Variants in GSE1 observed in about 807,000 individuals in gnomAD.
GSE1 encodes genetic suppressor element 1.
In GSE1, 32 loss-of-function variants were observed where a neutral mutation model predicts 112.6. The observed-to-expected ratio is 0.28, with a 90% CI of 0.21 to 0.38. GSE1 has a LOEUF of 0.38. Among genes scored for constraint, GSE1 ranks in the 10% least tolerant of loss-of-function variants. The pLI is 1.00. For synonymous variants in GSE1, 1,115 were observed against 735.6 expected (o/e 1.52, Z -8.35); for missense variants, 2,348 against 1,699.2 (o/e 1.38, Z -6.71).
At chr16:85,367,432 C>T (rs752151114) in intron 2 of GSE1, among the ~76,000 whole-genome samples, 5 of 152,248 alleles carry the variant, frequency 3.3e-5, no homozygotes, top group African/African-American at 1.2e-4. Flanking sequence ...GACACAACCC[C>T]TGCCCCGAGA....
intron 1 of GSE1, among the ~76,000 whole-genome samples, chr16:85,624,343 G>T (rs2048929298): frequency 6.6e-6 from 1 of 152,222 alleles, no homozygotes; most frequent in Non-Finnish European, 1.5e-5. Flanking sequence ...GGTGCCATGG[G>T]CTACACAGGG....
upstream of GSE1, among the ~76,000 whole-genome samples, chr16:85,554,074 G>T (rs183885020): frequency 2.7e-3 from 412 of 152,184 alleles, 2 homozygotes; most frequent in African/African-American, 9.4e-3. Context: ...CCGGCTGGTT[G>T]TGCCACCGAG....
chr16:85,179,960 C>G (rs2074547938), intron 1 of GSE1, among the ~76,000 whole-genome samples: 1 of 152,218 alleles, frequency 6.6e-6, no homozygotes, highest in African/African-American at 2.4e-5. Context: ...TTAGCTGAGC[C>G]CTCAGCTCCT....
intron 1 of GSE1, among the ~76,000 whole-genome samples, chr16:85,579,433 G>A (rs1212737418): frequency 2.6e-5 from 4 of 152,194 alleles, no homozygotes; most frequent in East Asian, 1.9e-4. Context: ...GTAAATTTCC[G>A]CAGAGTAATT....
At chr16:85,471,620 C>T (rs1282038283) in intron 2 of GSE1, among the ~76,000 whole-genome samples, 2 of 152,112 alleles carry the variant, frequency 1.3e-5, no homozygotes, top group Admixed American at 6.5e-5. Context: ...CGCTATGTTG[C>T]CCAGACTGGT....
At position 85,654,315 on chromosome 16, in the gene GSE1, G is replaced by T. The variant is rs199907438; in HGVS notation, c.464G>T (p.Arg155Leu). 2.5e-6 allele frequency: 4 copies of T among 1,609,370 alleles called. No homozygotes were observed. In the Admixed American group the frequency reaches 6.7e-5, roughly 27 times the overall value. Residue 155 changes from arginine to leucine, a missense_variant, in exon 4 of 16, where the codon CGC (arginine) becomes CTC (leucine). Arg to Leu is a moderately radical substitution (Grantham distance 102, BLOSUM62 -2). Coordinates refer to ENST00000253458, the MANE Select transcript of GSE1 (RefSeq NM_014615.5). ...AGGAGCAGCAGTGGAGGTCGGGAACGCCTCATTGTGGAGCCCCCGCTCCCT... is the reference window on the plus strand; with the variant it reads ...AGGAGCAGCAGTGGAGGTCGGGAACTCCTCATTGTGGAGCCCCCGCTCCCT... ...GSRSSSGGRE[R>L]LIVEPPLPQE...
intron 1 of GSE1, among the ~76,000 whole-genome samples, chr16:85,352,322 T>C (rs1597463645): frequency 6.6e-6 from 1 of 152,316 alleles, no homozygotes; most frequent in Non-Finnish European, 1.5e-5. Context: ...CCTTTCATCC[T>C]TCCCCATTAA....
At chr16:85,607,216 G>C (rs528114443), upstream of GSE1, among the ~76,000 whole-genome samples, 1 of 152,296 alleles carries the variant, frequency 6.6e-6, no homozygotes, top group East Asian at 1.9e-4. Context: ...TGCCTCTCCA[G>C]AGGTGGGGGT....
At chr16:85,471,072 C>T (rs561366759) in intron 2 of GSE1, among the ~76,000 whole-genome samples, 8 of 152,188 alleles carry the variant, frequency 5.3e-5, no homozygotes, top group Non-Finnish European at 1.2e-4. Flanking sequence ...TCCATGGACG[C>T]CTCCGTGGCA....
chr16:85,284,609 C>T (rs761717629), intron 1 of GSE1, among the ~76,000 whole-genome samples: 9 of 152,146 alleles, frequency 5.9e-5, no homozygotes, highest in Non-Finnish European at 1.2e-4. Flanking sequence ...TTCGAGCCAG[C>T]GAGGGGGTGG....
At chr16:85,413,505 T>C (rs573661255) in intron 2 of GSE1, among the ~76,000 whole-genome samples, 3 of 151,094 alleles carry the variant, frequency 2.0e-5, no homozygotes, top group Non-Finnish European at 4.4e-5. Flanking sequence ...CGGCAAGGGC[T>C]GAGGGTGGGC....
chr16:85,586,582 A>G (rs1253758607), intron 1 of GSE1, among the ~76,000 whole-genome samples: 1 of 152,174 alleles, frequency 6.6e-6, no homozygotes, highest in Non-Finnish European at 1.5e-5. Flanking sequence ...GCCAGGCCGC[A>G]TGGCCAAGAG....
chr16:85,422,220 G>A (rs1395335788), intron 2 of GSE1, among the ~76,000 whole-genome samples: 2 of 152,168 alleles, frequency 1.3e-5, no homozygotes, highest in Non-Finnish European at 2.9e-5. Context: ...TGGGTTAAGT[G>A]ACTTTGCATC....
At chr16:85,254,635 C>T (rs759818468) in intron 1 of GSE1, among the ~76,000 whole-genome samples, 16 of 152,182 alleles carry the variant, frequency 1.1e-4, no homozygotes, top group African/African-American at 2.2e-4. Context: ...CCTCGCGCCT[C>T]GCTCGCTCTG....
chr16:85,421,651 C>T (rs1415990046), intron 2 of GSE1, among the ~76,000 whole-genome samples: 1 of 152,150 alleles, frequency 6.6e-6, no homozygotes, highest in East Asian at 1.9e-4. Flanking sequence ...ACGGTTTCCA[C>T]CTGGGGGCGT....
rs377714336 is a variant in GSE1, at chr16:85,328,125, C to T, written c.2284-29338C>T. Among the ~76,000 whole-genome samples, 13 of 152,380 alleles carry T rather than the reference C, an allele frequency of 8.5e-5. No homozygotes were observed. The East Asian group carries it at 1.7e-3, about 20-fold the overall frequency. On this transcript the variant is annotated intron_variant, in intron 1 of 2. Transcript: ENST00000637419. Reference sequence around the variant, plus strand: ...GGTGCTCAATAAATGCTTGGCTGCTCATGCCCAGCCGATGCCAGGAAGCTC... The same window carrying T: ...GGTGCTCAATAAATGCTTGGCTGCTTATGCCCAGCCGATGCCAGGAAGCTC...
intron 1 of GSE1, among the ~76,000 whole-genome samples, chr16:85,180,819 G>T (rs929802933): frequency 2.0e-5 from 3 of 152,172 alleles, no homozygotes; most frequent in African/African-American, 4.8e-5. Flanking sequence ...TGGAGAAGGG[G>T]TATCCGATGA....
chr16:85,548,100 A>C (rs2044765558), intron 2 of GSE1, among the ~76,000 whole-genome samples: 1 of 151,540 alleles, frequency 6.6e-6, no homozygotes, highest in Non-Finnish European at 1.5e-5. Flanking sequence ...GTGGTGGCGC[A>C]TGCCTGTAAT....
chr16:85,582,375 G>A (rs1173124807), intron 1 of GSE1, among the ~76,000 whole-genome samples: 1 of 152,240 alleles, frequency 6.6e-6, no homozygotes, highest in Non-Finnish European at 1.5e-5. Flanking sequence ...ATGGGGGATG[G>A]GGAAGCCCCC....
Sources: gnomAD v4.1 joint callset for allele counts (sites outside exome capture counted in the v4.1 genomes callset) on GRCh38, gnomAD v4.1.1 for gene constraint, MANE v1.5 for transcripts, NCBI Gene and HGNC (gene_info 2026-07-23, HGNC 2026-07-21) for gene names.